Variants in GRM4 observed in about 807,000 individuals in gnomAD.
GRM4 encodes the protein metabotropic glutamate receptor 4.
In GRM4, 28 loss-of-function variants were observed where a neutral mutation model predicts 81.7. That is an observed-to-expected ratio of 0.34 (90% CI 0.25 to 0.47). GRM4 has a LOEUF of 0.47. GRM4 is among the 20% of genes least tolerant of loss of function. The pLI, the probability that GRM4 is intolerant of heterozygous loss-of-function variation, is 1.00. For missense variants in GRM4, 948 were observed against 1,290.0 expected (o/e 0.73, Z 4.06); for synonymous variants, 488 against 528.8 (o/e 0.92, Z 1.06).
intron 1 of GRM4, among the ~76,000 whole-genome samples, chr6:34,153,974 G>A (rs1486711786): frequency 4.0e-5 from 6 of 151,368 alleles, no homozygotes; most frequent in Non-Finnish European, 8.8e-5. Flanking sequence ...CTGTATTCCT[G>A]GGAGGCCAGC....
Position 34,059,627 on chromosome 6 carries a change from C to G in GRM4, c.873-499G>C, listed in dbSNP as rs916727928. 1 of 166,656 alleles carries G rather than the reference C, an allele frequency of 6.0e-6. No homozygotes were observed. Among genetic ancestry groups the G allele is most frequent in the African/African-American group, 2.4e-5 (1 of 41,790 alleles). The allele number at this position is 166,656 out of a possible 1,614,324, so 10.3% of individuals were successfully genotyped here. A position where few individuals can be genotyped will look rare whatever the true frequency, so the allele number is the denominator to read the frequency against. The stretch of plus-strand genomic sequence containing the variant: ...TGCCCACAGCTCCCTCTTCATTCAC[C>G]GCCCTCTGTGCCAAAATTCCAGGTC... On this transcript the variant is annotated intron_variant, in intron 4 of 10. Coordinates refer to ENST00000538487, the MANE Select transcript of GRM4 (RefSeq NM_000841.4). The surrounding 1 kb of genome is among the most constrained non-coding windows in gnomAD (Gnocchi z 5.7).
At chr6:34,061,021 G>A (rs1766152543) in intron 4 of GRM4, 1 of 152,490 alleles carries the variant, frequency 6.6e-6, no homozygotes, top group African/African-American at 2.4e-5. Context: ...GAAATGGCTT[G>A]GGAGCACTGG....
chr6:34,046,269 CAT>C (rs751059636), intron 6 of GRM4, among the ~76,000 whole-genome samples: 21 of 152,296 alleles, frequency 1.4e-4, no homozygotes, highest in African/African-American at 3.1e-4. Flanking sequence ...TGCATTTACA[CAT>C]GTCTACACAC....
At chr6:34,151,773 C>T (rs1265852416) in intron 1 of GRM4, among the ~76,000 whole-genome samples, 2 of 150,568 alleles carry the variant, frequency 1.3e-5, no homozygotes, top group Non-Finnish European at 3.0e-5. Flanking sequence ...CCACTGCACT[C>T]TTCCAGGATC....
At position 34,089,331 on chromosome 6, in the gene GRM4, G is replaced by A. The variant is rs1467706557; in HGVS notation, c.736+2552C>T. ...AAGGTACAGTGGCCTCTTTCTACTG[G>A]CTGCTCAATTCTGATTTCAATTTGG... On this transcript the variant is annotated intron_variant, in intron 3 of 10. Coordinates refer to ENST00000538487, the MANE Select transcript of GRM4 (RefSeq NM_000841.4). The surrounding 1 kb of genome is among the most constrained non-coding windows in gnomAD (Gnocchi z 4.3). 6.6e-6 allele frequency among the ~76,000 whole-genome samples: 1 copy of A among 152,000 alleles called. No individual in the cohort carries two copies. The highest frequency in any genetic ancestry group is 1.9e-4 in the East Asian group (1 of 5,190).
intron 2 of GRM4, among the ~76,000 whole-genome samples, chr6:34,125,712 T>TC (rs1224055280): frequency 3.9e-5 from 6 of 152,350 alleles, no homozygotes; most frequent in Non-Finnish European, 7.3e-5. Flanking sequence ...ATGCCAGGGT[T>TC]CCCCTCCTTC....
Position 34,099,926 on chromosome 6 carries a change from T to C in GRM4, c.520-7827A>G, listed in dbSNP as rs150825110. On this transcript the variant is annotated intron_variant, in intron 2 of 10. Coordinates refer to ENST00000538487, the MANE Select transcript of GRM4 (RefSeq NM_000841.4). ...CCTTCCCCAACACCCGCCAGAGCCATCTGGGGAGCACCAACCCCTTCGCCA... is the reference window on the plus strand; with the variant it reads ...CCTTCCCCAACACCCGCCAGAGCCACCTGGGGAGCACCAACCCCTTCGCCA... 12 of 334,392 alleles carry C rather than the reference T, an allele frequency of 3.6e-5. No individual in the cohort carries two copies. In the East Asian group the frequency reaches 1.9e-3, roughly 52 times the overall value. The allele number at this position is 334,392 out of a possible 1,614,324, so 20.7% of individuals were successfully genotyped here.
At chr6:34,050,843 G>A (rs1026650672) in intron 6 of GRM4, among the ~76,000 whole-genome samples, 4 of 152,188 alleles carry the variant, frequency 2.6e-5, no homozygotes, top group African/African-American at 7.2e-5. Context: ...AAGGCCACTC[G>A]CAGGACGGCT....
intron 6 of GRM4, among the ~76,000 whole-genome samples, chr6:34,044,127 C>G (rs911214083): frequency 6.6e-6 from 1 of 151,002 alleles, no homozygotes; most frequent in South Asian, 2.1e-4. Context: ...CAGACACACA[C>G]ACACACATAT....
chr6:34,110,560 C>A (rs1769331850), intron 2 of GRM4: 1 of 608,510 alleles, frequency 1.6e-6, no homozygotes, highest in East Asian at 3.1e-5. Flanking sequence ...CCATCCACAT[C>A]TCTGATTGAA....
chr6:34,079,957 C>G (rs995417956), intron 3 of GRM4, among the ~76,000 whole-genome samples: 4 of 152,180 alleles, frequency 2.6e-5, no homozygotes, highest in Admixed American at 2.6e-4. Context: ...GACCCTCCAA[C>G]GGCTCCCAGC....
intron 2 of GRM4, among the ~76,000 whole-genome samples, chr6:34,122,428 T>TA (rs1170460639): frequency 1.3e-5 from 2 of 151,988 alleles, no homozygotes; most frequent in African/African-American, 2.4e-5. Flanking sequence ...GAACCAAGCA[T>TA]AGAGGCCGGC....
chr6:34,031,628 C>T (rs1764428954), intron 9 of GRM4, among the ~76,000 whole-genome samples: 1 of 152,216 alleles, frequency 6.6e-6, no homozygotes, highest in African/African-American at 2.4e-5. Context: ...CCTCTGCAGC[C>T]ACGTCCTGCC....
chr6:34,105,108 C>T (rs1193981242), intron 2 of GRM4, among the ~76,000 whole-genome samples: 1 of 152,246 alleles, frequency 6.6e-6, no homozygotes, highest in African/African-American at 2.4e-5. Flanking sequence ...TAATATATTG[C>T]ACTATATTAA....
intron 1 of GRM4, among the ~76,000 whole-genome samples, chr6:34,151,864 C>T (rs1340873229): frequency 6.6e-6 from 1 of 152,180 alleles, no homozygotes; most frequent in Non-Finnish European, 1.5e-5. Context: ...TGTTCCATGG[C>T]ACTCCACTAC....
At chr6:34,099,438 G>A (rs1768712628) in intron 2 of GRM4, among the ~76,000 whole-genome samples, 1 of 152,120 alleles carries the variant, frequency 6.6e-6, no homozygotes, top group South Asian at 2.1e-4. Context: ...AGGGGAGGTG[G>A]GCGGCAGGCA....
upstream of GRM4, among the ~76,000 whole-genome samples, chr6:34,149,551 A>G (rs1771005400): frequency 2.0e-5 from 3 of 152,302 alleles, no homozygotes; most frequent in South Asian, 6.2e-4. Flanking sequence ...GCCCCGGGTT[A>G]ACAATCCTGG....
intron 9 of GRM4, among the ~76,000 whole-genome samples, chr6:34,030,434 T>C (rs1433805277): frequency 6.6e-6 from 1 of 152,176 alleles, no homozygotes; most frequent in Non-Finnish European, 1.5e-5. Flanking sequence ...GACCAGGGAT[T>C]GAGGCCCTTC....
intron 2 of GRM4, chr6:34,101,896 G>T: frequency 1.2e-6 from 1 of 801,172 alleles, no homozygotes; most frequent in Non-Finnish European, 2.0e-6. Flanking sequence ...ACACGAGGCT[G>T]CCAGAGAGTG....
Sources: allele counts gnomAD v4.1 joint callset (sites outside exome capture counted in the v4.1 genomes callset), GRCh38; gene constraint gnomAD v4.1.1; non-coding constraint Gnocchi (gnomAD v3.1); transcripts MANE v1.5; gene names NCBI Gene and HGNC (gene_info 2026-07-23, HGNC 2026-07-21).